Variants in PTPRG observed in about 807,000 individuals in gnomAD.
PTPRG encodes the protein receptor-type tyrosine-protein phosphatase gamma.
Under a neutral mutation model 165.3 loss-of-function variants are expected in PTPRG, and 102 were observed. The observed-to-expected ratio is 0.62, with a 90% CI of 0.53 to 0.73. The LOEUF is 0.73. PTPRG is among the 30% of genes least tolerant of loss of function. PTPRG has a pLI of 0.00. For synonymous variants in PTPRG, 675 were observed against 669.5 expected, an observed-to-expected ratio of 1.01 and a Z score of -0.13; for missense variants, 1,866 against 1,861.4, an observed-to-expected ratio of 1.00 and a Z score of -0.05.
At chr3:62,019,787 A>T (rs754821048) in intron 4 of PTPRG, among the ~76,000 whole-genome samples, 18 of 152,212 alleles carry the variant, frequency 1.2e-4, no homozygotes, top group Non-Finnish European at 1.8e-4. Context: ...CAACTTAAAA[A>T]AATTAAAAAC....
At chr3:62,079,730 G>C (rs1022180566) in intron 5 of PTPRG, among the ~76,000 whole-genome samples, 1 of 152,198 alleles carries the variant, frequency 6.6e-6, no homozygotes, top group Admixed American at 6.5e-5. Context: ...ATTCACTGGA[G>C]TCAAGATACT....
At chr3:61,564,333 A>G (rs142267124) in intron 1 of PTPRG, among the ~76,000 whole-genome samples, 3 of 152,032 alleles carry the variant, frequency 2.0e-5, no homozygotes, top group African/African-American at 7.2e-5. Context: ...GGAATTTCCA[A>G]TTCCACTTCT....
At chr3:62,292,636 T>A (rs547884262) in intron 29 of PTPRG, 80 bp downstream of exon 29, 1 of 1,516,206 alleles carries the variant, frequency 6.6e-7, no homozygotes, top group East Asian at 2.3e-5. Context: ...TAGTTCTCAA[T>A]TGGGGGTGAT....
At chr3:62,063,940 C>T (rs938920376) in intron 4 of PTPRG, among the ~76,000 whole-genome samples, 2 of 152,230 alleles carry the variant, frequency 1.3e-5, no homozygotes, top group Non-Finnish European at 2.9e-5. Flanking sequence ...TTACACCCTG[C>T]GTGATGTGGA....
At chr3:61,841,066 G>A (rs555080489) in intron 2 of PTPRG, among the ~76,000 whole-genome samples, 2 of 152,204 alleles carry the variant, frequency 1.3e-5, no homozygotes, top group South Asian at 2.1e-4. Context: ...ACAGATGTGA[G>A]CCACCACACC....
At chr3:62,072,646 T>TG (rs200290123) in intron 4 of PTPRG, among the ~76,000 whole-genome samples, 15 of 143,612 alleles carry the variant, frequency 1.0e-4, no homozygotes, top group African/African-American at 4.2e-4. Context: ...TGTGTGTGTG[T>TG]TTTATGTATA....
At chr3:61,738,346 A>ATATGTG (rs2032841171) in intron 1 of PTPRG, among the ~76,000 whole-genome samples, 2 of 142,770 alleles carry the variant, frequency 1.4e-5, no homozygotes, top group African/African-American at 2.6e-5. Context: ...ATGTATATAT[A>ATATGTG]TATATAAACC....
At chr3:62,032,385 A>G (rs1327905416) in intron 4 of PTPRG, among the ~76,000 whole-genome samples, 1 of 152,238 alleles carries the variant, frequency 6.6e-6, no homozygotes. Context: ...ATTTGAGTAA[A>G]AATATCCAAC....
intron 2 of PTPRG, among the ~76,000 whole-genome samples, chr3:61,897,273 G>C (rs926856032): frequency 1.3e-5 from 2 of 151,934 alleles, no homozygotes; most frequent in African/African-American, 2.4e-5. Context: ...GTTTGTATGA[G>C]GTGTGAGGTT....
chr3:62,172,008 A>G (rs1251996087), intron 8 of PTPRG, among the ~76,000 whole-genome samples: 1 of 152,178 alleles, frequency 6.6e-6, no homozygotes, highest in East Asian at 1.9e-4. Flanking sequence ...AGTGGATCAT[A>G]TATGACTTTT....
intron 2 of PTPRG, among the ~76,000 whole-genome samples, chr3:61,797,839 C>A (rs1303023013): frequency 1.3e-5 from 2 of 151,264 alleles, no homozygotes; most frequent in African/African-American, 2.4e-5. Context: ...ATCCTCAACT[C>A]TAATTTTTAA....
chr3:61,905,451 A>G (rs1368326066), intron 2 of PTPRG, among the ~76,000 whole-genome samples: 1 of 152,080 alleles, frequency 6.6e-6, no homozygotes, highest in Non-Finnish European at 1.5e-5. Flanking sequence ...TCCAATTCTC[A>G]GGATTCTTTG....
intron 2 of PTPRG, among the ~76,000 whole-genome samples, chr3:61,977,738 T>C (rs928460722): frequency 3.9e-5 from 6 of 152,206 alleles, no homozygotes; most frequent in Non-Finnish European, 1.5e-5. Context: ...AGTAAAAAAT[T>C]GCTCCTATTT....
At chr3:61,932,962 T>A (rs77298135) in intron 2 of PTPRG, among the ~76,000 whole-genome samples, 1,874 of 152,290 alleles carry the variant, frequency 0.012, 38 homozygotes, top group African/African-American at 0.039. Context: ...ACTTGCTACT[T>A]CACTTTTAGC....
In PTPRG at chr3:62,271,633, C is replaced by A; in HGVS notation, c.3182+78C>A. The A allele has an allele frequency of 7.6e-7, 1 of 1,323,582 alleles. No individual in the cohort carries two copies. The highest frequency in any genetic ancestry group is 1.0e-6 in the Non-Finnish European group (1 of 965,644). The allele number at this position is 1,323,582 out of a possible 1,614,324, so 82.0% of individuals were successfully genotyped here. A position where few individuals can be genotyped will look rare whatever the true frequency, so the allele number is the denominator to read the frequency against. ...CAGTGACCTTGGACCACAATGATTG[C>A]TACTGCTTTCACTTAGAAGCTGAAT... On this transcript the variant is annotated intron_variant, in intron 21 of 29. Coordinates refer to ENST00000474889, the MANE Select transcript of PTPRG (RefSeq NM_002841.4). This position sits in a 1 kb window ranked among gnomAD's most constrained non-coding sequence, Gnocchi z 4.1.
chr3:61,624,155 G>T (rs1559528814), intron 1 of PTPRG, among the ~76,000 whole-genome samples: 1 of 152,046 alleles, frequency 6.6e-6, no homozygotes, highest in Non-Finnish European at 1.5e-5. Context: ...TCCCAGTATG[G>T]GTTGGGGATT....
intron 8 of PTPRG, among the ~76,000 whole-genome samples, chr3:62,184,694 G>A (rs1215012626): frequency 6.6e-6 from 1 of 152,174 alleles, no homozygotes; most frequent in African/African-American, 2.4e-5. Context: ...CTTAAGCCAA[G>A]CTGTTCCCTC....
At chr3:61,584,097 T>C (rs1223644239) in intron 1 of PTPRG, among the ~76,000 whole-genome samples, 2 of 152,228 alleles carry the variant, frequency 1.3e-5, no homozygotes, top group Admixed American at 6.5e-5. Flanking sequence ...TGAGGACTTT[T>C]ATTTTGGTGC....
At chr3:61,635,441 T>TG (rs1340168906) in intron 1 of PTPRG, among the ~76,000 whole-genome samples, 1 of 151,502 alleles carries the variant, frequency 6.6e-6, no homozygotes, top group East Asian at 1.9e-4. Flanking sequence ...ACTGCAACCT[T>TG]GGCCTCCCAG....
Sources: allele counts gnomAD v4.1 joint callset (sites outside exome capture counted in the v4.1 genomes callset), GRCh38; gene constraint gnomAD v4.1.1; non-coding constraint Gnocchi (gnomAD v3.1); transcripts MANE v1.5; gene names NCBI Gene and HGNC (gene_info 2026-07-23, HGNC 2026-07-21).